The following FRAS1 variants were observed in gnomAD, a reference collection of about 807,000 sequenced individuals.
FRAS1 encodes Fraser extracellular matrix complex subunit 1.
Under a neutral mutation model 435.2 loss-of-function variants are expected in FRAS1, and 290 were observed. The ratio of observed to expected loss-of-function variants is 0.67; its 90% CI spans 0.61 to 0.73. FRAS1 has a LOEUF of 0.73. Ranked by LOEUF, FRAS1 falls within the 30% of genes least tolerant of loss-of-function variation. The pLI, the probability that FRAS1 is intolerant of heterozygous loss-of-function variation, is 0.00. For synonymous variants in FRAS1, 1,800 were observed against 1,851.0 expected, an observed-to-expected ratio of 0.97 and a Z score of 0.71; for missense variants, 4,860 against 5,001.5, an observed-to-expected ratio of 0.97 and a Z score of 0.85.
chr4:78,501,682 A>G (rs1183213792), intron 61 of FRAS1, among the ~76,000 whole-genome samples: 1 of 152,128 alleles, frequency 6.6e-6, no homozygotes, highest in Non-Finnish European at 1.5e-5. Flanking sequence ...ACGGTATCTC[A>G]TTGTGGTTTC....
intron 9 of FRAS1, among the ~76,000 whole-genome samples, chr4:78,273,294 A>G (rs983376412): frequency 4.6e-5 from 7 of 152,138 alleles, no homozygotes; most frequent in Non-Finnish European, 1.0e-4. Flanking sequence ...TCCTAATTGA[A>G]CACCCTTTAT....
intron 2 of FRAS1, among the ~76,000 whole-genome samples, chr4:78,124,560 CT>C (rs1022709987): frequency 9.2e-5 from 14 of 152,178 alleles, no homozygotes; most frequent in African/African-American, 3.4e-4. Flanking sequence ...ACTAGCTCCT[CT>C]TTGTACCTTT....
intron 9 of FRAS1, among the ~76,000 whole-genome samples, chr4:78,274,640 A>C (rs1369172822): frequency 6.6e-6 from 1 of 152,158 alleles, no homozygotes; most frequent in African/African-American, 2.4e-5. Context: ...TGAGTTTCTT[A>C]ATCCTGAGTT....
At chr4:78,447,997 T>C in intron 43 of FRAS1, 56 bp from the exon 44 acceptor site, 1 of 1,419,618 alleles carries the variant, frequency 7.0e-7, no homozygotes, top group Non-Finnish European at 9.4e-7. Flanking sequence ...ATGTTTTGAA[T>C]CATATATATA....
intron 2 of FRAS1, among the ~76,000 whole-genome samples, chr4:78,147,181 C>T (rs1290438257): frequency 2.0e-5 from 3 of 152,090 alleles, no homozygotes; most frequent in Non-Finnish European, 2.9e-5. Flanking sequence ...TTTGTTTACT[C>T]CCTAATTTTA....
rs535153359 is a variant in FRAS1 at position 78,273,944 on chromosome 4, T to C, written c.982-4711T>C. On this transcript the variant is annotated intron_variant, in intron 9 of 73. Transcript: ENST00000512123. Reference sequence around the variant, plus strand: ...ATTCGGCTGTGAATCCATCTGGTCCTGGACTTTTTTTGGTTGGTAGGCTAT... The same window carrying C: ...ATTCGGCTGTGAATCCATCTGGTCCCGGACTTTTTTTGGTTGGTAGGCTAT... 8.5e-5 allele frequency among the ~76,000 whole-genome samples: 13 copies of C among 152,346 alleles called. No individual in the cohort carries two copies. The East Asian group carries it at 2.5e-3, about 29-fold the overall frequency.
At chr4:78,441,054 C>T (rs763145105) in intron 40 of FRAS1, 108 bp from the exon 41 acceptor site, 78 of 1,048,634 alleles carry the variant, frequency 7.4e-5, no homozygotes, top group Admixed American at 2.0e-4. Flanking sequence ...CTCAAAGAAG[C>T]AGAATTGGTG....
In FRAS1 at chr4:78,544,106, T is replaced by C. The variant is rs1449711477; in HGVS notation, c.*2982T>C. 2 of 152,686 alleles carry C rather than the reference T, an allele frequency of 1.3e-5. No individual in the cohort carries two copies. The allele number at this position is 152,686 out of a possible 1,614,324, so 9.5% of individuals were successfully genotyped here. A position where few individuals can be genotyped will look rare whatever the true frequency, so the allele number is the denominator to read the frequency against. The stretch of plus-strand genomic sequence containing the variant: ...TTGTTATTCTTGGATACTACACACC[T>C]GCTCAGACTGAGTAAACATTTGTGG... On this transcript the variant is annotated 3_prime_UTR_variant, in exon 74 of 74. Coordinates refer to ENST00000512123, the MANE Select transcript of FRAS1 (RefSeq NM_025074.7).
rs778860478 is a variant in FRAS1 at position 78,252,574 on chromosome 4, G to A, written c.469+23G>A. 6.2e-6 allele frequency: 10 copies of A among 1,602,174 alleles called. No individual in the cohort carries two copies. In the Admixed American group the frequency reaches 1.7e-4, roughly 28 times the overall value. On this transcript the variant is annotated intron_variant, in intron 5 of 73. Coordinates refer to ENST00000512123, the MANE Select transcript of FRAS1 (RefSeq NM_025074.7). ...GGAGTGAGTATGAGCTTGTAGAAGG[G>A]GACCCTCTTTGCTTGGGAGGTTCAC...
intron 2 of FRAS1, among the ~76,000 whole-genome samples, chr4:78,183,253 G>A (rs1722111991): frequency 6.6e-6 from 1 of 152,142 alleles, no homozygotes; most frequent in Non-Finnish European, 1.5e-5. Flanking sequence ...GTATGGACAT[G>A]GAAACAAACA....
At chr4:78,243,155 A>G (rs1212528233) in intron 3 of FRAS1, among the ~76,000 whole-genome samples, 1 of 152,158 alleles carries the variant, frequency 6.6e-6, no homozygotes, top group Non-Finnish European at 1.5e-5. Flanking sequence ...AATGACATTT[A>G]CTTAATAAAG....
intron 49 of FRAS1, among the ~76,000 whole-genome samples, chr4:78,465,793 G>A (rs1016205637): frequency 6.6e-6 from 1 of 152,178 alleles, no homozygotes; most frequent in Non-Finnish European, 1.5e-5. Context: ...TCTTTCTGCG[G>A]GTCACCAGAG....
chr4:78,447,297 A>AAAC (rs1222332006), intron 43 of FRAS1, among the ~76,000 whole-genome samples: 1 of 147,374 alleles, frequency 6.8e-6, no homozygotes, highest in African/African-American at 2.5e-5. Context: ...GTAAAAAAAA[A>AAAC]AAAAAAACAC....
intron 2 of FRAS1, among the ~76,000 whole-genome samples, chr4:78,177,273 A>G (rs2110045389): frequency 6.6e-6 from 1 of 152,334 alleles, no homozygotes; most frequent in Middle Eastern, 3.4e-3. Flanking sequence ...TGAGAAACAA[A>G]TAATTATACT....
At chr4:78,455,984 G>A (rs1325454371) in intron 47 of FRAS1, among the ~76,000 whole-genome samples, 2 of 152,048 alleles carry the variant, frequency 1.3e-5, no homozygotes, top group Admixed American at 6.6e-5. Flanking sequence ...GGGGTGTGAG[G>A]TGGCTCAGTG....
In FRAS1 at chr4:78,482,397, T is replaced by G. The variant is rs763989806; in HGVS notation, c.8614T>G (p.Leu2872Val). 3.1e-6 allele frequency: 5 copies of G among 1,613,882 alleles called. No individual in the cohort carries two copies. Among genetic ancestry groups the G allele is most frequent in the Non-Finnish European group, 3.4e-6 (4 of 1,179,808 alleles). ...TTGGTTTCTCTTCTAGTATTGCACC[T>G]TGACTATCTTGGATGACACTCAGTA... is the stretch of plus-strand genomic sequence containing the variant. Reference protein sequence around the residue: ...GPGVIEQYCTLTILDDTQYPV... With the variant: ...GPGVIEQYCTVTILDDTQYPV... The change falls in exon 58 of 74, where the codon TTG (leucine) becomes GTG (valine). Residue 2872 changes from leucine (L) to valine (V), a missense_variant. Coordinates refer to ENST00000512123, the MANE Select transcript of FRAS1 (RefSeq NM_025074.7).
chr4:78,204,651 A>AT (rs751562336), intron 2 of FRAS1, among the ~76,000 whole-genome samples: 7 of 152,126 alleles, frequency 4.6e-5, no homozygotes, highest in Admixed American at 3.3e-4. Flanking sequence ...TTTACCAGCG[A>AT]TTTTTTCCTC....
intron 70 of FRAS1, among the ~76,000 whole-genome samples, chr4:78,529,871 A>G (rs1245253907): frequency 6.6e-6 from 1 of 152,184 alleles, no homozygotes; most frequent in Non-Finnish European, 1.5e-5. Context: ...TATTTCTGGA[A>G]TTTTTTGTTT....
intron 2 of FRAS1, among the ~76,000 whole-genome samples, chr4:78,117,805 C>T (rs1180194886): frequency 8.9e-5 from 13 of 145,782 alleles, no homozygotes; most frequent in African/African-American, 1.8e-4. Flanking sequence ...GTAGTTTGAT[C>T]GTCTGAAGCC....
Sources: gnomAD v4.1 joint callset for allele counts (sites outside exome capture counted in the v4.1 genomes callset) on GRCh38, gnomAD v4.1.1 for gene constraint, MANE v1.5 for transcripts, NCBI Gene and HGNC (gene_info 2026-07-23, HGNC 2026-07-21) for gene names.